The following UBE2D3 variants were observed in gnomAD, a reference collection of about 807,000 sequenced individuals.
UBE2D3 encodes the protein ubiquitin conjugating enzyme E2 D3.
In UBE2D3, 2 loss-of-function variants were observed where a neutral mutation model predicts 22.8. The ratio of observed to expected loss-of-function variants is 0.09; its 90% CI spans 0.04 to 0.28. The LOEUF is 0.28. Ranked by LOEUF, UBE2D3 falls within the 10% of genes least tolerant of loss-of-function variation. UBE2D3 has a pLI of 1.00. For synonymous variants in UBE2D3, 56 were observed against 60.4 expected (o/e 0.93, Z 0.34); for missense variants, 27 against 182.5 (o/e 0.15, Z 4.91).
At chr4:102,834,807 G>T (rs1373001508) in intron 1 of UBE2D3, among the ~76,000 whole-genome samples, 4 of 151,590 alleles carry the variant, frequency 2.6e-5, no homozygotes, top group African/African-American at 4.8e-5. Context: ...TTGAGACAGG[G>T]TCTCTCTGTT....
chr4:102,853,649 G>A (rs1438908649), intron 1 of UBE2D3, among the ~76,000 whole-genome samples: 1 of 152,082 alleles, frequency 6.6e-6, no homozygotes, highest in Non-Finnish European at 1.5e-5. Flanking sequence ...ATCTGGGAAG[G>A]TATGCAAAAA....
intron 1 of UBE2D3, among the ~76,000 whole-genome samples, chr4:102,855,517 C>T (rs1229316669): frequency 6.6e-6 from 1 of 152,160 alleles, no homozygotes. Flanking sequence ...AACTCTTGGG[C>T]TCAAGCAATC....
At chr4:102,809,272 T>C (rs1727572128) in intron 4 of UBE2D3, 3 of 248,410 alleles carry the variant, frequency 1.2e-5, no homozygotes, top group Non-Finnish European at 2.6e-5. Context: ...CAAAATACAA[T>C]TAAGCTAGAT....
intron 2 of UBE2D3, chr4:102,825,297 T>C (rs1730281104): frequency 3.0e-6 from 3 of 986,324 alleles, no homozygotes; most frequent in Non-Finnish European, 3.6e-6. Flanking sequence ...TTTTTCAAGT[T>C]AGCTGTAAAC....
At chr4:102,826,683 G>A in intron 1 of UBE2D3, 47 bp from the exon 2 acceptor site, 1 of 1,491,978 alleles carries the variant, frequency 6.7e-7, no homozygotes, top group Admixed American at 2.5e-5. Flanking sequence ...GCCCCGAAGA[G>A]CCCCTGATGA....
At chr4:102,841,647 G>A (rs1191139687) in intron 1 of UBE2D3, among the ~76,000 whole-genome samples, 1 of 152,132 alleles carries the variant, frequency 6.6e-6, no homozygotes, top group Non-Finnish European at 1.5e-5. Flanking sequence ...AAGCAGAAGT[G>A]ATTAACATTT....
intron 1 of UBE2D3, among the ~76,000 whole-genome samples, chr4:102,852,629 G>A (rs1446557682): frequency 6.6e-6 from 1 of 152,154 alleles, no homozygotes; most frequent in Non-Finnish European, 1.5e-5. Flanking sequence ...ATAGGATGCA[G>A]GAGTTGTAAT....
intron 1 of UBE2D3, chr4:102,826,993 G>A: frequency 1.0e-6 from 1 of 997,476 alleles, no homozygotes; most frequent in Non-Finnish European, 1.2e-6. Flanking sequence ...AAGGGGGGAG[G>A]GGGAAGCATA....
At chr4:102,845,521 G>A (rs1471049474) in intron 1 of UBE2D3, among the ~76,000 whole-genome samples, 5 of 152,112 alleles carry the variant, frequency 3.3e-5, no homozygotes, top group African/African-American at 7.2e-5. Context: ...TGCCCCTTTC[G>A]TCAAAGGATC....
At chr4:102,822,693 T>C (rs1729803577) in intron 2 of UBE2D3, among the ~76,000 whole-genome samples, 2 of 150,330 alleles carry the variant, frequency 1.3e-5, no homozygotes, top group South Asian at 4.2e-4. Flanking sequence ...CCCAGCACTT[T>C]GGGAGGCTGA....
At chr4:102,867,912 T>C (rs945517154) in intron 1 of UBE2D3, among the ~76,000 whole-genome samples, 1 of 152,154 alleles carries the variant, frequency 6.6e-6, no homozygotes, top group African/African-American at 2.4e-5. Flanking sequence ...AAAAAAAATT[T>C]TTTTTTAGCT....
chr4:102,839,613 G>T (rs1731629185), intron 1 of UBE2D3, among the ~76,000 whole-genome samples: 1 of 152,222 alleles, frequency 6.6e-6, no homozygotes, highest in Admixed American at 6.5e-5. Context: ...TGCTTTACAA[G>T]GTACTAGTAG....
chr4:102,798,870 A>T, intron 7 of UBE2D3: 1 of 1,527,026 alleles, frequency 6.5e-7, no homozygotes, highest in Non-Finnish European at 9.1e-7. Context: ...TAACGCATGC[A>T]GCACTCAAGT....
chr4:102,828,255 G>C (rs975606939), upstream of UBE2D3: 1 of 985,412 alleles, frequency 1.0e-6, no homozygotes, highest in Non-Finnish European at 1.2e-6. Flanking sequence ...AGGTGCCAAG[G>C]ATTAATTACC....
chr4:102,834,451 A>C (rs1731279876), intron 1 of UBE2D3, among the ~76,000 whole-genome samples: 1 of 152,058 alleles, frequency 6.6e-6, no homozygotes, highest in African/African-American at 2.4e-5. Context: ...CCAATAGAAA[A>C]AGTCACAAGA....
chr4:102,831,755 A>G (rs1731129784), upstream of UBE2D3, among the ~76,000 whole-genome samples: 1 of 152,142 alleles, frequency 6.6e-6, no homozygotes, highest in Non-Finnish European at 1.5e-5. Context: ...GGTTAAAAAA[A>G]TATATATTTG....
rs151339235 is a variant in UBE2D3, at chr4:102,853,135, A to ATTTTTTT, written c.-129+15573_-129+15579dup. ...GTCAAAATTACACACAAACACACACATTTTTTTTTTTTTTTTTTTTTTTTT... is the reference window on the plus strand; with the variant it reads ...GTCAAAATTACACACAAACACACACATTTTTTTTTTTTTTTTTTTTTTTTTTTTTTTT... On this transcript the variant is annotated intron_variant, in intron 1 of 7. Coordinates refer to the UBE2D3 transcript ENST00000338145. Among the ~76,000 whole-genome samples, 6 of 88,604 alleles carry ATTTTTTT rather than the reference A, an allele frequency of 6.8e-5. 1 individual carries two copies. Among genetic ancestry groups the ATTTTTTT allele is most frequent in the Admixed American group, 2.9e-4 (2 of 6,886 alleles). The allele number at this position is 88,604 out of a possible 152,430, so 58.1% of individuals were successfully genotyped here.
chr4:102,842,235 T>C (rs1188182371), intron 1 of UBE2D3, among the ~76,000 whole-genome samples: 1 of 151,446 alleles, frequency 6.6e-6, no homozygotes, highest in Non-Finnish European at 1.5e-5. Context: ...GAGTAAAGTT[T>C]TGATACTAAA....
chr4:102,807,520 C>T (rs1487835512), intron 4 of UBE2D3, among the ~76,000 whole-genome samples: 3 of 152,082 alleles, frequency 2.0e-5, no homozygotes, highest in African/African-American at 4.8e-5. Context: ...GTGAGTACTG[C>T]TACCAAAGCA....
Sources: allele counts gnomAD v4.1 joint callset (sites outside exome capture counted in the v4.1 genomes callset), GRCh38; gene constraint gnomAD v4.1.1; transcripts MANE v1.5; gene names NCBI Gene and HGNC (gene_info 2026-07-23, HGNC 2026-07-21).